The following CNTN5 variants were observed in gnomAD, a reference collection of about 807,000 sequenced individuals.
The protein encoded by CNTN5 is contactin-5.
Under a neutral mutation model 129.1 loss-of-function variants are expected in CNTN5, and 77 were observed. That is an observed-to-expected ratio of 0.60 (90% CI 0.50 to 0.72). The LOEUF (loss-of-function observed/expected upper bound fraction) is 0.72. CNTN5 is among the 30% of genes least tolerant of loss of function. CNTN5 has a pLI of 0.00. For missense variants in CNTN5, 1,478 were observed against 1,328.8 expected (o/e 1.11, Z -1.75); for synonymous variants, 509 against 465.6 (o/e 1.09, Z -1.20).
At chr11:99,814,399 C>T (rs139205737) in intron 3 of CNTN5, among the ~76,000 whole-genome samples, 41 of 152,164 alleles carry the variant, frequency 2.7e-4, no homozygotes, top group Non-Finnish European at 4.4e-4. Context: ...AATTATCCAT[C>T]CTGTATTATG....
intron 18 of CNTN5, among the ~76,000 whole-genome samples, chr11:100,286,227 G>C (rs1343656358): frequency 1.3e-5 from 2 of 152,332 alleles, no homozygotes; most frequent in African/African-American, 4.8e-5. Context: ...AAAGCAGCAG[G>C]GAAGCTCCAA....
chr11:99,273,645 T>G (rs1043025446), intron 1 of CNTN5, among the ~76,000 whole-genome samples: 1 of 151,770 alleles, frequency 6.6e-6, no homozygotes, highest in Non-Finnish European at 1.5e-5. Flanking sequence ...TTTGATACCT[T>G]TTTTCTTGAA....
chr11:99,295,784 G>C (rs1376045563), intron 1 of CNTN5, among the ~76,000 whole-genome samples: 1 of 150,674 alleles, frequency 6.6e-6, no homozygotes, highest in Non-Finnish European at 1.5e-5. Flanking sequence ...GCTGAGGCAG[G>C]AGAATGGCGT....
chr11:99,269,629 T>G (rs531272792), intron 1 of CNTN5, among the ~76,000 whole-genome samples: 1 of 152,022 alleles, frequency 6.6e-6, no homozygotes, highest in South Asian at 2.1e-4. Context: ...TATCTTATAT[T>G]AACAAAAGTG....
chr11:99,618,920 G>A (rs572694634), intron 3 of CNTN5, among the ~76,000 whole-genome samples: 1 of 151,168 alleles, frequency 6.6e-6, no homozygotes, highest in East Asian at 1.9e-4. Flanking sequence ...TAAACTGTTT[G>A]GCTAACCCAG....
At chr11:100,000,697 G>T (rs1045519233) in intron 8 of CNTN5, among the ~76,000 whole-genome samples, 7 of 152,312 alleles carry the variant, frequency 4.6e-5, no homozygotes, top group African/African-American at 1.7e-4. Context: ...CCTAGTAGAG[G>T]TTCTCCATTA....
At position 100,273,430 on chromosome 11, in the gene CNTN5, G is replaced by A. The variant is rs180847751; in HGVS notation, c.2314+2189G>A. ...TGCTCCCCTTCCCCTGCCAACCACC[G>A]TTGCAGACAGAGTCTTAGTGGGTAC... On this transcript the variant is annotated intron_variant, in intron 18 of 24. Transcript: ENST00000524871. Among the ~76,000 whole-genome samples the A allele has an allele frequency of 1.1e-3, 162 of 152,188 alleles. 1 individual carries two copies. The East Asian group carries it at 0.021, about 20-fold the overall frequency.
chr11:100,029,919 G>A (rs961203673), intron 9 of CNTN5, among the ~76,000 whole-genome samples: 14 of 152,124 alleles, frequency 9.2e-5, no homozygotes, highest in Non-Finnish European at 1.9e-4. Flanking sequence ...ATTTAAAAAT[G>A]TAGAGTATTA....
chr11:99,037,818 T>A (rs1466565727), intron 1 of CNTN5, among the ~76,000 whole-genome samples: 1 of 151,770 alleles, frequency 6.6e-6, no homozygotes, highest in Non-Finnish European at 1.5e-5. Context: ...GACCTCATGA[T>A]CCAAAAGTGC....
At chr11:99,716,628 T>C (rs1179863032) in intron 3 of CNTN5, among the ~76,000 whole-genome samples, 1 of 152,086 alleles carries the variant, frequency 6.6e-6, no homozygotes, top group Non-Finnish European at 1.5e-5. Flanking sequence ...TACATGCAGC[T>C]CTTAGAAATT....
intron 3 of CNTN5, among the ~76,000 whole-genome samples, chr11:99,791,327 A>G (rs775494346): frequency 6.6e-5 from 10 of 151,986 alleles, no homozygotes; most frequent in Non-Finnish European, 1.5e-4. Context: ...TGTATATTTT[A>G]TAAGAAAGGG....
intron 1 of CNTN5, among the ~76,000 whole-genome samples, chr11:99,186,385 G>T (rs1426919580): frequency 6.6e-6 from 1 of 151,672 alleles, no homozygotes; most frequent in Non-Finnish European, 1.5e-5. Context: ...TGCTTTTATT[G>T]GGCACAGTAT....
At chr11:99,819,906 G>A (rs1946743027) in intron 4 of CNTN5, 141 bp downstream of exon 4, 1 of 654,544 alleles carries the variant, frequency 1.5e-6, no homozygotes. Flanking sequence ...AAGCAGGAGA[G>A]TTTTTAAAGC....
intron 1 of CNTN5, among the ~76,000 whole-genome samples, chr11:99,190,747 A>T (rs1858596775): frequency 6.6e-6 from 1 of 151,652 alleles, no homozygotes; most frequent in Non-Finnish European, 1.5e-5. Context: ...TATATCCTGC[A>T]ACTTTACTGA....
intron 3 of CNTN5, among the ~76,000 whole-genome samples, chr11:99,596,512 A>C (rs951165268): frequency 2.6e-5 from 4 of 152,194 alleles, no homozygotes; most frequent in Non-Finnish European, 4.4e-5. Context: ...CACTAATCAC[A>C]GATTTAGGGA....
chr11:99,132,149 C>T (rs1182324081), intron 1 of CNTN5, among the ~76,000 whole-genome samples: 1 of 151,850 alleles, frequency 6.6e-6, no homozygotes, highest in Non-Finnish European at 1.5e-5. Flanking sequence ...AGACGAAAAC[C>T]ATATGAATAT....
At chr11:99,216,109 A>G (rs1426254808) in intron 1 of CNTN5, among the ~76,000 whole-genome samples, 1 of 152,112 alleles carries the variant, frequency 6.6e-6, no homozygotes, top group Non-Finnish European at 1.5e-5. Context: ...AGTTGTAGAT[A>G]TTCTTCATTC....
chr11:99,260,467 A>G (rs1862575758), intron 1 of CNTN5, among the ~76,000 whole-genome samples: 1 of 151,858 alleles, frequency 6.6e-6, no homozygotes, highest in Non-Finnish European at 1.5e-5. Context: ...ATATTATGAT[A>G]ATTTTTAAAC....
In CNTN5 at chr11:100,122,582, G is replaced by A. The variant is rs1388557170; in HGVS notation, c.1580+48288G>A. Reference sequence around the variant, plus strand: ...AGAGGTCAGATTTGAGCATAGATCTGAGTAAAATGAAACGTGAGCAATGTG... The same window carrying A: ...AGAGGTCAGATTTGAGCATAGATCTAAGTAAAATGAAACGTGAGCAATGTG... On this transcript the variant is annotated intron_variant, in intron 13 of 24. Transcript: ENST00000524871. Among the ~76,000 whole-genome samples, 3 of 152,140 alleles carry A rather than the reference G, an allele frequency of 2.0e-5. No individual in the cohort carries two copies. In the East Asian group the frequency reaches 5.8e-4, roughly 30 times the overall value.
Sources: allele counts gnomAD v4.1 joint callset (sites outside exome capture counted in the v4.1 genomes callset), GRCh38; gene constraint gnomAD v4.1.1; transcripts MANE v1.5; gene names NCBI Gene and HGNC (gene_info 2026-07-23, HGNC 2026-07-21).